The following SPINK5 variants were observed in gnomAD, a reference collection of about 807,000 sequenced individuals.
SPINK5 encodes serine protease inhibitor Kazal-type 5.
A neutral mutation model predicts 151.8 loss-of-function variants in SPINK5; 125 were observed. The ratio of observed to expected loss-of-function variants is 0.82; its 90% CI spans 0.71 to 0.96. SPINK5 has a LOEUF of 0.96. Among genes scored for constraint, SPINK5 ranks in the 40% least tolerant of loss-of-function variants. The probability of loss-of-function intolerance (pLI) is 0.00; values close to 1 mark genes in which losing one functional copy is unlikely to be tolerated. For missense variants in SPINK5, 1,194 were observed against 1,291.9 expected, an observed-to-expected ratio of 0.92 and a Z score of 1.16; for synonymous variants, 374 against 395.3, an observed-to-expected ratio of 0.95 and a Z score of 0.64.
chr5:148,105,777 C>A (rs1263941203), intron 16 of SPINK5, among the ~76,000 whole-genome samples: 4 of 135,242 alleles, frequency 3.0e-5, no homozygotes, highest in Non-Finnish European at 6.2e-5. Context: ...CCACAATGCC[C>A]AGCTAATTTT....
Position 148,101,389 on chromosome 5 carries a change from G to C in SPINK5, c.1255G>C (p.Gly419Arg). Residue 419 changes from glycine (G) to arginine (R), a missense_variant, in exon 14 of 33, where the codon GGT (glycine) becomes CGT (arginine). Physicochemically the swap from Gly to Arg is moderately radical, Grantham distance 125. Transcript: ENST00000256084. ...AEEEEKKKKE[G>R]KSRNKRQSKS... ...AGAAGAAGAAAAGAAAAAGAAGGAAGGTAAATCAAGAAACAAAAGACAATC... is the reference window on the plus strand; with the variant it reads ...AGAAGAAGAAAAGAAAAAGAAGGAACGTAAATCAAGAAACAAAAGACAATC... 6.2e-7 allele frequency: 1 copy of C among 1,612,030 alleles called. No homozygotes were observed. Among genetic ancestry groups the C allele is most frequent in the Non-Finnish European group, 8.5e-7 (1 of 1,178,386 alleles).
At chr5:148,131,150 T>G in intron 30 of SPINK5, 109 bp from the exon 31 acceptor site, 1 of 1,397,352 alleles carries the variant, frequency 7.2e-7, no homozygotes. Flanking sequence ...TCACACTCCT[T>G]TTACAACCAT....
At chr5:148,091,385 T>A (rs1010972930) in intron 8 of SPINK5, among the ~76,000 whole-genome samples, 157 bp downstream of exon 8, 10 of 151,838 alleles carry the variant, frequency 6.6e-5, no homozygotes, top group Non-Finnish European at 1.2e-4. Context: ...ATTCCTAGAA[T>A]ATTAATCATT....
At chr5:148,090,857 T>C (rs1270186059) in intron 7 of SPINK5, 2 of 323,872 alleles carry the variant, frequency 6.2e-6, no homozygotes, top group Non-Finnish European at 1.1e-5. Flanking sequence ...GTCACACCCA[T>C]TCAGTTTTAC....
chr5:148,137,312 T>A lies in SPINK5; in HGVS notation c.*321T>A. The A allele has an allele frequency of 2.2e-6, 1 of 449,634 alleles. No individual in the cohort carries two copies. The highest frequency in any genetic ancestry group is 3.6e-5 in the Admixed American group (1 of 28,100). The allele number at this position is 449,634 out of a possible 1,614,324, so 27.9% of individuals were successfully genotyped here. On this transcript the variant is annotated 3_prime_UTR_variant, in exon 33 of 33. Transcript: ENST00000256084. ...CCTTTCTGGGATTTCTTTGTCACTA[T>A]CTGGATAATAGATATTTGCTTTTAA...
chr5:148,101,790 A>G lies in SPINK5; in HGVS notation c.1312A>G (p.Ser438Gly). 1.2e-6 allele frequency: 2 copies of G among 1,613,764 alleles called. No homozygotes were observed. Among genetic ancestry groups the G allele is most frequent in the Non-Finnish European group, 1.7e-6 (2 of 1,179,728 alleles). Residue 438 changes from serine to glycine, a missense_variant, in exon 15 of 33, where the codon AGT becomes GGT. By Grantham distance (56) the Ser-to-Gly change is moderately conservative (BLOSUM62 0). Coordinates refer to ENST00000256084, the MANE Select transcript of SPINK5 (RefSeq NM_006846.4). ...TGCCTCAATTTCACAGGAGTTGTGT[A>G]GTGAATACCGCAAATCCAGGAAAAA... is the stretch of plus-strand genomic sequence containing the variant. ...KSTASFEELCSEYRKSRKNGR... is the reference protein window; with the variant it reads ...KSTASFEELCGEYRKSRKNGR...
Position 148,133,879 on chromosome 5 carries a change from C to T in SPINK5, c.3178C>T (p.Pro1060Ser), listed in dbSNP as rs749346981. 6.2e-7 allele frequency: 1 copy of T among 1,613,730 alleles called. No homozygotes were observed. Among genetic ancestry groups the T allele is most frequent in the African/African-American group, 1.3e-5 (1 of 74,860 alleles). The part of the protein sequence containing the change: ...STPGTTAASM[P>S]PSDE ...CCCAGGAACCACCGCAGCCAGCATG[C>T]CCCCGTCTGTAAGTACATAAGTAGA... Residue 1060 changes from proline to serine, a missense_variant, in exon 32 of 33, where the codon CCC (proline) becomes TCC (serine). Transcript: ENST00000256084.
At chr5:148,071,311 C>G (rs1175020253) in intron 3 of SPINK5, among the ~76,000 whole-genome samples, 2 of 151,906 alleles carry the variant, frequency 1.3e-5, no homozygotes, top group Non-Finnish European at 2.9e-5. Context: ...TTGACGTAGT[C>G]AATCATATTG....
rs769288731 is a variant in SPINK5 at position 148,120,020 on chromosome 5, T to C, written c.2325T>C (p.Asp775=). The change falls in exon 25 of 33, where the codon GAT becomes GAC. Residue 775 remains aspartate, a synonymous_variant. Transcript: ENST00000256084. Reference sequence around the variant, plus strand: ...TCCCATCTTTTCAGGATACATGTGATGAGTTTAGAAGCCAAATGAAAAATG... The same window carrying C: ...TCCCATCTTTTCAGGATACATGTGACGAGTTTAGAAGCCAAATGAAAAATG... ...TGSESGKDTC[D]EFRSQMKNGK... 8 of 1,613,992 alleles carry C rather than the reference T, an allele frequency of 5.0e-6. No homozygotes were observed. Among genetic ancestry groups the C allele is most frequent in the Non-Finnish European group, 5.9e-6 (7 of 1,179,848 alleles).
At chr5:148,110,090 C>T (rs542641326) in intron 18 of SPINK5, among the ~76,000 whole-genome samples, 1 of 152,254 alleles carries the variant, frequency 6.6e-6, no homozygotes, top group African/African-American at 2.4e-5. Context: ...GCTTCATTTC[C>T]CTACCAGTAA....
At position 148,097,876 on chromosome 5, in the gene SPINK5, A is replaced by G; in HGVS notation, c.892A>G (p.Ser298Gly). ...CTTATTCATTATTCAGAAACTCTGCAGTCAATATCAAAATCAGGCAAAGAA... is the reference window on the plus strand; with the variant it reads ...CTTATTCATTATTCAGAAACTCTGCGGTCAATATCAAAATCAGGCAAAGAA... ...KVKREIVKLC[S>G]QYQNQAKNGI... The change falls in exon 11 of 33, where the codon AGT (serine) becomes GGT (glycine). Residue 298 changes from serine (S) to glycine (G), a missense_variant. Physicochemically the swap from Ser to Gly is moderately conservative, Grantham distance 56 (BLOSUM62 0). Transcript: ENST00000256084. 6.2e-7 allele frequency: 1 copy of G among 1,608,998 alleles called. No individual in the cohort carries two copies. The highest frequency in any genetic ancestry group is 8.5e-7 in the Non-Finnish European group (1 of 1,175,908).
chr5:148,082,603 T>TAAAAAATGTTTA (rs1439912605), intron 4 of SPINK5, among the ~76,000 whole-genome samples: 1 of 29,790 alleles, frequency 3.4e-5, no homozygotes. Flanking sequence ...TATATATTCT[T>TAAAAAATGTTTA]TTTTTTTTTT....
intron 5 of SPINK5, among the ~76,000 whole-genome samples, chr5:148,087,416 T>C (rs763300361): frequency 4.6e-5 from 7 of 151,794 alleles, no homozygotes; most frequent in Non-Finnish European, 1.0e-4. Context: ...TATTCACTTT[T>C]TGAGATCCTG....
intron 8 of SPINK5, among the ~76,000 whole-genome samples, chr5:148,093,102 C>T (rs887278766): frequency 2.0e-5 from 3 of 151,810 alleles, no homozygotes; most frequent in African/African-American, 4.8e-5. Context: ...AATTGAATGA[C>T]GAAGGTCACA....
Position 148,101,261 on chromosome 5 carries a change from G to A in SPINK5, c.1221-94G>A, listed in dbSNP as rs1034482884. 14 of 904,006 alleles carry A rather than the reference G, an allele frequency of 1.5e-5. 1 individual carries two copies. Among genetic ancestry groups the A allele is most frequent in the South Asian group, 1.1e-4 (8 of 71,258 alleles). The allele number at this position is 904,006 out of a possible 1,614,324, so 56.0% of individuals were successfully genotyped here. A position where few individuals can be genotyped will look rare whatever the true frequency, so the allele number is the denominator to read the frequency against. On this transcript the variant is annotated intron_variant, in intron 13 of 32. Coordinates refer to ENST00000256084, the MANE Select transcript of SPINK5 (RefSeq NM_006846.4). ...CACATCACATTCAAAGAATTTAATCGTTGTTAAGTGTAAAATTAAATTATA... is the reference window on the plus strand; with the variant it reads ...CACATCACATTCAAAGAATTTAATCATTGTTAAGTGTAAAATTAAATTATA...
intron 21 of SPINK5, among the ~76,000 whole-genome samples, chr5:148,115,737 C>T (rs565187906): frequency 5.9e-5 from 9 of 151,816 alleles, no homozygotes; most frequent in Non-Finnish European, 7.4e-5. Flanking sequence ...GATTTTGGGG[C>T]CTCTTGAACA....
At chr5:148,116,266 T>C (rs1754086791) in intron 21 of SPINK5, 104 bp from the exon 22 acceptor site, 1 of 1,182,332 alleles carries the variant, frequency 8.5e-7, no homozygotes, top group Non-Finnish European at 1.3e-6. Flanking sequence ...CAATGCTCGA[T>C]AATTCTGTAC....
At chr5:148,099,338 A>G (rs779764953) in intron 12 of SPINK5, 23 bp downstream of exon 12, 1 of 1,605,040 alleles carries the variant, frequency 6.2e-7, no homozygotes, top group East Asian at 2.2e-5. Flanking sequence ...CATCCAATAA[A>G]TCCTATTTGG....
chr5:148,099,795 A>C lies in SPINK5; in HGVS notation c.1092+480A>C, dbSNP rs575955719. 9.2e-5 allele frequency among the ~76,000 whole-genome samples: 14 copies of C among 152,130 alleles called. 1 individual carries two copies. The East Asian group carries it at 2.7e-3, about 30-fold the overall frequency. On this transcript the variant is annotated intron_variant, in intron 12 of 32. Transcript: ENST00000256084. Reference sequence around the variant, plus strand: ...AAAAGTCTCCTAATTTTCACTCTGGATTTTATCCTTTCCCTTGCCCAACCA... The same window carrying C: ...AAAAGTCTCCTAATTTTCACTCTGGCTTTTATCCTTTCCCTTGCCCAACCA...
Sources: allele counts gnomAD v4.1 joint callset (sites outside exome capture counted in the v4.1 genomes callset), GRCh38; gene constraint gnomAD v4.1.1; transcripts MANE v1.5; gene names NCBI Gene and HGNC (gene_info 2026-07-23, HGNC 2026-07-21).